Variants in FGF14 observed in about 807,000 individuals in gnomAD.
FGF14 encodes the protein fibroblast growth factor 14.
Under a neutral mutation model 25.5 loss-of-function variants are expected in FGF14, and 5 were observed. That is an observed-to-expected ratio of 0.20 (90% CI 0.10 to 0.41). The LOEUF (loss-of-function observed/expected upper bound fraction) is 0.41, where lower values mean the gene tolerates loss of function less well. Among genes scored for constraint, FGF14 ranks in the 10% least tolerant of loss-of-function variants. The pLI is 1.00. For missense variants in FGF14, 222 were observed against 320.1 expected, an observed-to-expected ratio of 0.69 and a Z score of 2.34; for synonymous variants, 138 against 118.3, an observed-to-expected ratio of 1.17 and a Z score of -1.08.
At chr13:102,006,869 C>T (rs1594967507) in intron 1 of FGF14, among the ~76,000 whole-genome samples, 2 of 150,264 alleles carry the variant, frequency 1.3e-5, no homozygotes, top group Middle Eastern at 3.4e-3. Flanking sequence ...CTCAGCCTCC[C>T]GAGTAGCTGG....
At chr13:101,800,061 TA>T (rs200790153) in intron 3 of FGF14, among the ~76,000 whole-genome samples, 10 of 151,958 alleles carry the variant, frequency 6.6e-5, no homozygotes, top group East Asian at 1.9e-4. Flanking sequence ...CATAGAGACA[TA>T]AAAAAAATGG....
At chr13:102,367,855 C>A (rs763869528) in intron 1 of FGF14, 7 of 152,284 alleles carry the variant, frequency 4.6e-5, no homozygotes, top group African/African-American at 7.2e-5. Context: ...CAATTCCCAG[C>A]CTGCCCACGG....
intron 1 of FGF14, among the ~76,000 whole-genome samples, chr13:102,087,575 C>CTTTTTT (rs1166446102): frequency 4.0e-4 from 32 of 79,858 alleles, no homozygotes; most frequent in Middle Eastern, 0.011. Flanking sequence ...CCATGCCTGG[C>CTTTTTT]TTTTTTTTTT....
intron 1 of FGF14, among the ~76,000 whole-genome samples, chr13:102,021,676 A>G (rs2040659652): frequency 6.6e-6 from 1 of 151,982 alleles, no homozygotes; most frequent in Non-Finnish European, 1.5e-5. Context: ...AATTCAACAT[A>G]TATTTGGTGA....
chr13:101,928,934 T>C (rs954460542), intron 1 of FGF14, among the ~76,000 whole-genome samples: 1 of 152,212 alleles, frequency 6.6e-6, no homozygotes, highest in Non-Finnish European at 1.5e-5. Flanking sequence ...GGATATGAAT[T>C]ACTGCCTCCA....
intron 1 of FGF14, among the ~76,000 whole-genome samples, chr13:102,103,959 G>GGACCTTCTCACTTCCCACTGTGTTTTTGC: frequency 6.6e-6 from 1 of 152,180 alleles, no homozygotes; most frequent in South Asian, 2.1e-4. Context: ...CCTGCTTCAG[G>GGACCTTCTCACTTCCCACTGTGTTTTTGC]GACCTTCTCA....
chr13:101,948,085 A>G (rs930032640), intron 1 of FGF14, among the ~76,000 whole-genome samples: 1 of 152,220 alleles, frequency 6.6e-6, no homozygotes, highest in South Asian at 2.1e-4. Context: ...TCTTTTGTCA[A>G]TTCTTAGCGT....
intron 3 of FGF14, among the ~76,000 whole-genome samples, chr13:101,742,066 T>C (rs570295159): frequency 1.3e-5 from 2 of 152,232 alleles, no homozygotes; most frequent in East Asian, 3.9e-4. Flanking sequence ...CAGGCCCCAG[T>C]GTGTGATGTT....
intron 3 of FGF14, among the ~76,000 whole-genome samples, chr13:101,817,296 CAT>C (rs1415818887): frequency 4.6e-5 from 7 of 151,814 alleles, no homozygotes; most frequent in Non-Finnish European, 7.4e-5. Flanking sequence ...TTAATACAAA[CAT>C]GTGAAGTTTG....
chr13:102,209,347 C>A (rs2050069285), intron 1 of FGF14, among the ~76,000 whole-genome samples: 1 of 152,194 alleles, frequency 6.6e-6, no homozygotes, highest in African/African-American at 2.4e-5. Context: ...AAGTTAGTAT[C>A]AGAATAAATA....
intron 1 of FGF14, among the ~76,000 whole-genome samples, chr13:102,370,940 A>C (rs1187762962): frequency 6.6e-6 from 1 of 151,804 alleles, no homozygotes; most frequent in Non-Finnish European, 1.5e-5. Flanking sequence ...GCATACCAAA[A>C]AAAAAAAAAA....
intron 1 of FGF14, among the ~76,000 whole-genome samples, chr13:102,211,781 C>T (rs1395274622): frequency 1.3e-5 from 2 of 152,188 alleles, no homozygotes; most frequent in Admixed American, 1.3e-4. Context: ...CAGCTTTATT[C>T]ATAACCAGAA....
At chr13:102,061,027 C>T (rs567857681) in intron 1 of FGF14, among the ~76,000 whole-genome samples, 1 of 152,296 alleles carries the variant, frequency 6.6e-6, no homozygotes, top group Admixed American at 6.5e-5. Flanking sequence ...GGAGGAGAGC[C>T]CGGCAGCTGA....
At chr13:102,317,195 T>A (rs576969650) in intron 1 of FGF14, among the ~76,000 whole-genome samples, 15 of 152,272 alleles carry the variant, frequency 9.9e-5, no homozygotes, top group Admixed American at 8.5e-4. Context: ...GTCACTAGCT[T>A]TGTGAGAAAA....
chr13:101,897,947 T>C (rs1338558175), intron 1 of FGF14, among the ~76,000 whole-genome samples: 1 of 152,094 alleles, frequency 6.6e-6, no homozygotes, highest in Non-Finnish European at 1.5e-5. Context: ...CAGGCTGGAG[T>C]GCAGTGGTGC....
intron 1 of FGF14, among the ~76,000 whole-genome samples, chr13:102,070,813 A>G (rs1418584818): frequency 6.6e-6 from 1 of 152,230 alleles, no homozygotes; most frequent in Non-Finnish European, 1.5e-5. Flanking sequence ...TTTCCTCTGT[A>G]GACTGTAGTA....
At chr13:102,333,400 T>C (rs2056692721) in intron 1 of FGF14, among the ~76,000 whole-genome samples, 1 of 152,180 alleles carries the variant, frequency 6.6e-6, no homozygotes, top group African/African-American at 2.4e-5. Flanking sequence ...TAAAACAGTC[T>C]AGCCCAGGGT....
At chr13:102,194,767 T>C (rs544449822) in intron 1 of FGF14, among the ~76,000 whole-genome samples, 2 of 152,316 alleles carry the variant, frequency 1.3e-5, no homozygotes, top group South Asian at 4.1e-4. Flanking sequence ...AAACTCAGAA[T>C]GTATGTAAGA....
intron 1 of FGF14, among the ~76,000 whole-genome samples, chr13:102,324,345 A>C (rs1322024117): frequency 1.3e-5 from 2 of 152,150 alleles, no homozygotes; most frequent in South Asian, 2.1e-4. Flanking sequence ...CCATTTACTA[A>C]GTATGTCCTT....
Sources: gnomAD v4.1 joint callset for allele counts (sites outside exome capture counted in the v4.1 genomes callset) on GRCh38, gnomAD v4.1.1 for gene constraint, MANE v1.5 for transcripts, NCBI Gene and HGNC (gene_info 2026-07-23, HGNC 2026-07-21) for gene names.